Variants in PLEKHG6 observed in about 807,000 individuals in gnomAD.
The protein encoded by PLEKHG6 is pleckstrin homology domain-containing family G member 6.
Under a neutral mutation model 97.5 loss-of-function variants are expected in PLEKHG6, and 91 were observed. The observed-to-expected ratio is 0.93, with a 90% CI of 0.79 to 1.11. The LOEUF (loss-of-function observed/expected upper bound fraction) is 1.11, where lower values mean the gene tolerates loss of function less well. Among genes scored for constraint, PLEKHG6 ranks in the 50% most tolerant of loss-of-function variants. The pLI is 0.00. For synonymous variants in PLEKHG6, 466 were observed against 425.5 expected, an observed-to-expected ratio of 1.10 and a Z score of -1.17; for missense variants, 1,044 against 1,031.0, an observed-to-expected ratio of 1.01 and a Z score of -0.17.
intron 14 of PLEKHG6, 118 bp from the exon 15 acceptor site, chr12:6,327,136 G>C: frequency 1.5e-6 from 1 of 674,898 alleles, no homozygotes; most frequent in East Asian, 2.6e-5. Flanking sequence ...CAGTGCGATG[G>C]AAAGATGATA....
At chr12:6,327,219 C>A in intron 14 of PLEKHG6, 35 bp from the exon 15 acceptor site, 1 of 1,353,112 alleles carries the variant, frequency 7.4e-7, no homozygotes, top group Non-Finnish European at 1.0e-6. Flanking sequence ...TTGAACTTGA[C>A]CCCTACGCAT....
chr12:6,324,305 G>A (rs1274159477), intron 13 of PLEKHG6, among the ~76,000 whole-genome samples: 5 of 52,762 alleles, frequency 9.5e-5, no homozygotes, highest in East Asian at 8.1e-4. Flanking sequence ...CCCCCCCGCC[G>A]CCTCCTCCAG....
At chr12:6,312,977 C>T in intron 2 of PLEKHG6, 3 of 1,432,580 alleles carry the variant, frequency 2.1e-6, no homozygotes, top group Non-Finnish European at 2.8e-6. Flanking sequence ...ATAATTTTGC[C>T]TTTGGAGATG....
At position 6,315,956 on chromosome 12, in the gene PLEKHG6, C is replaced by A. The variant is rs368881387; in HGVS notation, c.606+37C>A. 2 of 1,536,658 alleles carry A rather than the reference C, an allele frequency of 1.3e-6. No individual in the cohort carries two copies. The highest frequency in any genetic ancestry group is 2.0e-5 in the Admixed American group (1 of 51,278). ...CTCAGGAGGGGACCCTGGCACAGCC[C>A]GACCTCTGAGCCTGGGGATGAGGGT... On this transcript the variant is annotated intron_variant, in intron 6 of 15. Coordinates refer to ENST00000684764, the MANE Select transcript of PLEKHG6 (RefSeq NM_001384598.1). This position sits in a 1 kb window ranked among gnomAD's most constrained non-coding sequence, Gnocchi z 4.5.
chr12:6,313,899 C>A, intron 3 of PLEKHG6, 115 bp downstream of exon 3: 1 of 944,900 alleles, frequency 1.1e-6, no homozygotes, highest in Non-Finnish European at 1.5e-6. Context: ...CTGCTGCCTG[C>A]CAGTCAGACA....
intron 3 of PLEKHG6, among the ~76,000 whole-genome samples, chr12:6,314,382 C>T (rs1184912484): frequency 6.6e-6 from 1 of 152,098 alleles, no homozygotes; most frequent in East Asian, 1.9e-4. Context: ...TGGCGGGCAC[C>T]TGTAGTCCCA....
At chr12:6,319,549 T>C (rs1340363579) in intron 13 of PLEKHG6, 1 of 1,531,992 alleles carries the variant, frequency 6.5e-7, no homozygotes, top group Non-Finnish European at 8.7e-7. Flanking sequence ...AGTTTCAGAC[T>C]GGACAATCTG....
At chr12:6,313,308 G>C (rs1284345933) in intron 2 of PLEKHG6, 2 of 953,102 alleles carry the variant, frequency 2.1e-6, no homozygotes, top group African/African-American at 3.2e-5. Context: ...GAGAGCAGGA[G>C]GCAGTGGGGG....
Position 6,327,381 on chromosome 12 carries a change from G to A in PLEKHG6, c.1798G>A (p.Gly600Arg). Residue 600 changes from glycine to arginine, a missense_variant, in exon 15 of 16, where the codon GGG (glycine) becomes AGG (arginine). By Grantham distance (125) the Gly-to-Arg change is moderately radical. Coordinates refer to ENST00000684764, the MANE Select transcript of PLEKHG6 (RefSeq NM_001384598.1). Reference protein sequence around the residue: ...YGTLIPGTPTGSRSPLSRLRQ... With the variant: ...YGTLIPGTPTRSRSPLSRLRQ... ...CACTTTGATCCCAGGCACCCCCACG[G>A]GGTCCCGCTCCCCACTGAGCCGTCT... is the stretch of plus-strand genomic sequence containing the variant. 6.2e-7 allele frequency: 1 copy of A among 1,614,056 alleles called. No homozygotes were observed. The highest frequency in any genetic ancestry group is 8.5e-7 in the Non-Finnish European group (1 of 1,179,990).
chr12:6,319,047 T>C lies in PLEKHG6; in HGVS notation c.1463T>C (p.Leu488Pro). The C allele has an allele frequency of 6.2e-7, 1 of 1,613,988 alleles. No individual in the cohort carries two copies. Among genetic ancestry groups the C allele is most frequent in the South Asian group, 1.1e-5 (1 of 91,040 alleles). Reference sequence around the variant, plus strand: ...TTCCAGTGTGTCTCCAGCGCCCTCCTTGTGCACTGTCCCAGTCCTACAGAC... The same window carrying C: ...TTCCAGTGTGTCTCCAGCGCCCTCCCTGTGCACTGTCCCAGTCCTACAGAC... ...TEFQCVSSALLVHCPSPTDRA... is the reference protein window; with the variant it reads ...TEFQCVSSALPVHCPSPTDRA... Residue 488 changes from leucine (L) to proline (P), a missense_variant, in exon 13 of 16, where the codon CTT (leucine) becomes CCT (proline). Leu to Pro is a moderately conservative substitution (Grantham distance 98). Coordinates refer to ENST00000684764, the MANE Select transcript of PLEKHG6 (RefSeq NM_001384598.1).
Sources: allele counts gnomAD v4.1 joint callset (sites outside exome capture counted in the v4.1 genomes callset), GRCh38; gene constraint gnomAD v4.1.1; non-coding constraint Gnocchi (gnomAD v3.1); transcripts MANE v1.5; gene names NCBI Gene and HGNC (gene_info 2026-07-23, HGNC 2026-07-21).